ZNFX1: variants seen among roughly 807,000 people sequenced by gnomAD.
The protein encoded by ZNFX1 is zinc finger NFX1-type containing 1, also known as NFX1-type zinc finger-containing protein 1.
In ZNFX1, 78 loss-of-function variants were observed where a neutral mutation model predicts 179.8. The ratio of observed to expected loss-of-function variants is 0.43; its 90% CI spans 0.36 to 0.52. The LOEUF (loss-of-function observed/expected upper bound fraction) is 0.52, where lower values mean the gene tolerates loss of function less well. Ranked by LOEUF, ZNFX1 falls within the 20% of genes least tolerant of loss-of-function variation. ZNFX1 has a pLI of 0.00. For synonymous variants in ZNFX1, 848 were observed against 868.5 expected (o/e 0.98, Z 0.42); for missense variants, 1,927 against 2,386.6 (o/e 0.81, Z 4.01).
intron 13 of ZNFX1, 74 bp from the exon 14 acceptor site, chr20:49,249,785 C>A: frequency 6.7e-7 from 1 of 1,489,934 alleles, no homozygotes; most frequent in Non-Finnish European, 9.1e-7. Context: ...TCTTGACATG[C>A]ACTGGCCACT....
In ZNFX1 at chr20:49,248,905, C is replaced by G. The variant is rs372116956; in HGVS notation, c.4119G>C (p.Gln1373His). 22 of 1,614,284 alleles carry G rather than the reference C, an allele frequency of 1.4e-5. No individual in the cohort carries two copies. Among genetic ancestry groups the G allele is most frequent in the Middle Eastern group, 3.3e-4 (2 of 6,062 alleles). Residue 1373 changes from glutamine (Q) to histidine (H), a missense_variant, in exon 14 of 14, where the codon CAG (glutamine) becomes CAC (histidine). Transcript: ENST00000396105. The surrounding 1 kb of genome is among the most constrained non-coding windows in gnomAD (Gnocchi z 4.6). ...ATCTCAGAGACTTGGAGCAAGGCTCCTGGCAGCAGAAATCTGACTCAGGCA... is the reference window on the plus strand; with the variant it reads ...ATCTCAGAGACTTGGAGCAAGGCTCGTGGCAGCAGAAATCTGACTCAGGCA... ...CSVPESDFCC[Q>H]EPCSKSLRCG...
chr20:49,276,884 G>C (rs1425915066), intron 1 of ZNFX1, among the ~76,000 whole-genome samples: 2 of 152,088 alleles, frequency 1.3e-5, no homozygotes, highest in African/African-American at 2.4e-5. Context: ...CCCTCCTGGC[G>C]CAGGCTCAGT....
At chr20:49,262,689 T>C (rs947999426) in intron 6 of ZNFX1, among the ~76,000 whole-genome samples, 11 of 152,238 alleles carry the variant, frequency 7.2e-5, no homozygotes, top group Non-Finnish European at 1.3e-4. Flanking sequence ...AAAGCTACCA[T>C]TTCACTGGGT....
intron 2 of ZNFX1, among the ~76,000 whole-genome samples, chr20:49,274,184 G>A (rs746174787): frequency 6.6e-6 from 1 of 152,156 alleles, no homozygotes; most frequent in South Asian, 2.1e-4. Flanking sequence ...AGCCACATGT[G>A]GCTGCTATGT....
chr20:49,272,484 G>C (rs191025861), intron 2 of ZNFX1, among the ~76,000 whole-genome samples: 31 of 152,180 alleles, frequency 2.0e-4, no homozygotes, highest in Non-Finnish European at 4.6e-4. Context: ...GTGCCTGGTG[G>C]GGATTTTATA....
intron 2 of ZNFX1, among the ~76,000 whole-genome samples, chr20:49,272,636 T>G (rs970325565): frequency 1.3e-5 from 2 of 152,188 alleles, no homozygotes; most frequent in African/African-American, 2.4e-5. Flanking sequence ...TAAACAATTA[T>G]CACAGCCAAC....
At chr20:49,256,725 A>G (rs1337870838) in intron 8 of ZNFX1, among the ~76,000 whole-genome samples, 1 of 152,256 alleles carries the variant, frequency 6.6e-6, no homozygotes, top group African/African-American at 2.4e-5. Flanking sequence ...CGCTCACCAC[A>G]TATAGTGATA....
At chr20:49,258,464 A>T (rs1981028164) in intron 7 of ZNFX1, among the ~76,000 whole-genome samples, 1 of 152,130 alleles carries the variant, frequency 6.6e-6, no homozygotes, top group African/African-American at 2.4e-5. Flanking sequence ...CTCCTTATAT[A>T]CTTTTTGTTA....
At chr20:49,255,968 C>A in intron 8 of ZNFX1, 21 bp from the exon 9 acceptor site, 1 of 1,612,732 alleles carries the variant, frequency 6.2e-7, no homozygotes, top group East Asian at 2.2e-5. Flanking sequence ...CAATACCAGG[C>A]AGGGTACTGT....
chr20:49,273,505 A>G (rs1198582678), intron 2 of ZNFX1, among the ~76,000 whole-genome samples: 5 of 152,236 alleles, frequency 3.3e-5, no homozygotes, highest in Non-Finnish European at 7.3e-5. Flanking sequence ...CTAAATTTTT[A>G]TAATTGTTAC....
In ZNFX1 at chr20:49,249,573, G is replaced by A; in HGVS notation, c.3451C>T (p.Pro1151Ser). The A allele has an allele frequency of 6.2e-7, 1 of 1,614,236 alleles. No homozygotes were observed. The highest frequency in any genetic ancestry group is 2.2e-5 in the East Asian group (1 of 44,874). The change falls in exon 14 of 14, where the codon CCT (proline) becomes TCT (serine). Residue 1151 changes from proline (P) to serine (S), a missense_variant. Coordinates refer to ENST00000396105, the MANE Select transcript of ZNFX1 (RefSeq NM_021035.3). ...CKYFLCQEYLPSQITILTTYT... is the reference protein window; with the variant it reads ...CKYFLCQEYLSSQITILTTYT... ...GTAGTGAGGATGGTGATCTGGGAAG[G>A]CAGGTATTCCTGGCACAGGAAGTAC...
intron 2 of ZNFX1, among the ~76,000 whole-genome samples, chr20:49,272,607 G>A (rs1407169083): frequency 2.0e-5 from 3 of 152,132 alleles, no homozygotes; most frequent in Non-Finnish European, 4.4e-5. Flanking sequence ...GATTCTAAGG[G>A]GGCCACTGGT....
Position 49,247,942 on chromosome 20 carries a change from C to CA in ZNFX1, c.5081dup (p.Ser1695ValfsTer9). 1 of 1,613,918 alleles carries CA rather than the reference C, an allele frequency of 6.2e-7. No homozygotes were observed. The highest frequency in any genetic ancestry group is 2.2e-5 in the East Asian group (1 of 44,876). Reference sequence around the variant, plus strand: ...CAACCAGACCCAGGTCCTTCACTGACAGATTTTTCTGGGCCAGCTTCTCCT... The same window carrying CA: ...CAACCAGACCCAGGTCCTTCACTGACAAGATTTTTCTGGGCCAGCTTCTCCT... On this transcript the variant is annotated frameshift_variant, in exon 14 of 14. Transcript: ENST00000396105. LOFTEE classifies it high-confidence loss of function.
chr20:49,276,743 A>AT (rs1309687681), intron 1 of ZNFX1, among the ~76,000 whole-genome samples: 1 of 152,230 alleles, frequency 6.6e-6, no homozygotes, highest in African/African-American at 2.4e-5. Context: ...TAAAATATTC[A>AT]TAATTGGAAA....
chr20:49,254,712 C>A, intron 9 of ZNFX1, 63 bp from the exon 10 acceptor site: 1 of 1,572,036 alleles, frequency 6.4e-7, no homozygotes, highest in South Asian at 1.1e-5. Context: ...GGAAGAACGC[C>A]CTTCAGTGTG....
chr20:49,248,293 A>G lies in ZNFX1; in HGVS notation c.4731T>C (p.Phe1577=). Residue 1577 remains phenylalanine, a synonymous_variant, in exon 14 of 14, where the codon TTT becomes TTC. Coordinates refer to ENST00000396105, the MANE Select transcript of ZNFX1 (RefSeq NM_021035.3). The surrounding 1 kb of genome is among the most constrained non-coding windows in gnomAD (Gnocchi z 4.6). ...MDEVTQIFFG[F]EDEPDARFVQ... is the part of the protein sequence containing the mutation. The stretch of plus-strand genomic sequence containing the variant: ...CAAAGCGGGCATCAGGCTCATCCTC[A>G]AAGCCAAAGAATATTTGGGTGACCT... The G allele has an allele frequency of 6.2e-7, 1 of 1,614,164 alleles. No individual in the cohort carries two copies. Among genetic ancestry groups the G allele is most frequent in the Non-Finnish European group, 8.5e-7 (1 of 1,180,028 alleles).
intron 3 of ZNFX1, among the ~76,000 whole-genome samples, chr20:49,267,720 T>C (rs1600995088): frequency 1.3e-5 from 2 of 152,142 alleles, no homozygotes; most frequent in Non-Finnish European, 2.9e-5. Context: ...ACAAGTACAA[T>C]GTGGCAGATA....
At chr20:49,267,581 G>A (rs982673732) in intron 3 of ZNFX1, among the ~76,000 whole-genome samples, 3 of 150,800 alleles carry the variant, frequency 2.0e-5, no homozygotes, top group East Asian at 1.9e-4. Flanking sequence ...ACTTCCTTTC[G>A]GAGAGTAATT....
At position 49,275,886 on chromosome 20, in the gene ZNFX1, A is replaced by T; in HGVS notation, c.-47T>A. On this transcript the variant is annotated splice_region_variant and 5_prime_UTR_variant, in exon 2 of 14. Transcript: ENST00000396105. ...TCACGTTACTTTCTGTTATCTGGAA[A>T]ACTGCACATGTTGAGTTATCAGTGT... is the stretch of plus-strand genomic sequence containing the variant. The T allele has an allele frequency of 6.2e-7, 1 of 1,602,914 alleles. No individual in the cohort carries two copies. The highest frequency in any genetic ancestry group is 8.5e-7 in the Non-Finnish European group (1 of 1,169,982).
Sources: allele counts gnomAD v4.1 joint callset (sites outside exome capture counted in the v4.1 genomes callset), GRCh38; gene constraint gnomAD v4.1.1; non-coding constraint Gnocchi (gnomAD v3.1); transcripts MANE v1.5; gene names NCBI Gene and HGNC (gene_info 2026-07-23, HGNC 2026-07-21).